The following PTCHD4 variants were observed in gnomAD, a reference collection of about 807,000 sequenced individuals.
PTCHD4 encodes patched domain containing 4.
Under a neutral mutation model 58.1 loss-of-function variants are expected in PTCHD4, and 33 were observed. That is an observed-to-expected ratio of 0.57 (90% CI 0.43 to 0.76). The LOEUF (loss-of-function observed/expected upper bound fraction) is 0.76. Ranked by LOEUF, PTCHD4 falls within the 30% of genes least tolerant of loss-of-function variation. The pLI is 0.00. For synonymous variants in PTCHD4, 478 were observed against 409.6 expected, an observed-to-expected ratio of 1.17 and a Z score of -2.02; for missense variants, 1,058 against 1,027.1, an observed-to-expected ratio of 1.03 and a Z score of -0.41.
At chr6:47,984,973 G>T (rs1033950050) in intron 4 of PTCHD4, among the ~76,000 whole-genome samples, 4 of 152,076 alleles carry the variant, frequency 2.6e-5, no homozygotes, top group African/African-American at 4.8e-5. Flanking sequence ...TGAGTATAAA[G>T]TTAGCTCAGT....
rs549856173 is a variant in PTCHD4, at chr6:47,948,216, C to T, written c.898+60418G>A. Among the ~76,000 whole-genome samples the T allele has an allele frequency of 2.2e-4, 34 of 152,304 alleles. No homozygotes were observed. In the South Asian group the frequency reaches 5.2e-3, roughly 23 times the overall value. On this transcript the variant is annotated intron_variant, in intron 4 of 4. Coordinates refer to ENST00000339488, the MANE Select transcript of PTCHD4 (RefSeq NM_001384253.1). The stretch of plus-strand genomic sequence containing the variant: ...CCTCCATTTAGTGCTGGCTGCCAGC[C>T]GGAGGTGCCCTCAGCTCCTAGAGGC...
intron 3 of PTCHD4, among the ~76,000 whole-genome samples, chr6:48,035,417 T>C (rs1161111984): frequency 6.6e-6 from 1 of 152,122 alleles, no homozygotes; most frequent in Non-Finnish European, 1.5e-5. Context: ...GAACTGCCAG[T>C]TCTCTGAATT....
At chr6:47,986,861 C>A (rs1467025420) in intron 4 of PTCHD4, among the ~76,000 whole-genome samples, 3 of 152,156 alleles carry the variant, frequency 2.0e-5, no homozygotes, top group African/African-American at 4.8e-5. Context: ...ACATTCCAAT[C>A]ATGGGTATGC....
At chr6:48,097,201 TA>T (rs1380886995) in intron 1 of PTCHD4, among the ~76,000 whole-genome samples, 1 of 152,092 alleles carries the variant, frequency 6.6e-6, no homozygotes, top group African/African-American at 2.4e-5. Context: ...AAGCATAATT[TA>T]AAAAATAATG....
chr6:47,915,570 G>C (rs985804572), intron 4 of PTCHD4, among the ~76,000 whole-genome samples: 1 of 80,384 alleles, frequency 1.2e-5, no homozygotes. Flanking sequence ...ATAGAAGACA[G>C]ATTTTTTTTT....
At position 47,872,134 on chromosome 6, in the gene PTCHD4, C is replaced by T. The variant is rs775152834; in HGVS notation, c.*6169G>A. 4.0e-5 allele frequency among the ~76,000 whole-genome samples: 6 copies of T among 151,296 alleles called. No homozygotes were observed. The highest frequency in any genetic ancestry group is 7.4e-5 in the Non-Finnish European group (5 of 67,648). On this transcript the variant is annotated 3_prime_UTR_variant, in exon 5 of 5. Transcript: ENST00000339488. ...CGTGTCCAGGGAGAGATTCTAGTAACCATATTACATTAGATAATTTAAATG... is the reference window on the plus strand; with the variant it reads ...CGTGTCCAGGGAGAGATTCTAGTAATCATATTACATTAGATAATTTAAATG...
chr6:47,953,096 G>A (rs1338022598), intron 4 of PTCHD4, among the ~76,000 whole-genome samples: 1 of 151,962 alleles, frequency 6.6e-6, no homozygotes. Flanking sequence ...TGATGATGAC[G>A]ACACTATAAA....
At chr6:47,963,051 C>T (rs558486968) in intron 4 of PTCHD4, among the ~76,000 whole-genome samples, 1 of 151,994 alleles carries the variant, frequency 6.6e-6, no homozygotes, top group African/African-American at 2.4e-5. Flanking sequence ...ATTGCTTGAA[C>T]CCGGGAGGCA....
intron 1 of PTCHD4, among the ~76,000 whole-genome samples, chr6:48,089,817 GC>G (rs1346015489): frequency 6.6e-6 from 1 of 152,150 alleles, no homozygotes; most frequent in African/African-American, 2.4e-5. Flanking sequence ...CTCATCTTAT[GC>G]CTACCTTAAT....
chr6:47,905,964 G>A (rs1764868710), intron 4 of PTCHD4, among the ~76,000 whole-genome samples: 1 of 152,220 alleles, frequency 6.6e-6, no homozygotes, highest in Non-Finnish European at 1.5e-5. Flanking sequence ...CTTGTTGCTT[G>A]TTGTCTGTGG....
intron 3 of PTCHD4, among the ~76,000 whole-genome samples, chr6:48,021,951 A>G (rs1257492732): frequency 6.6e-6 from 1 of 152,170 alleles, no homozygotes; most frequent in African/African-American, 2.4e-5. Flanking sequence ...TATGGAGTAC[A>G]TATCTCAAGG....
intron 4 of PTCHD4, among the ~76,000 whole-genome samples, chr6:47,940,300 G>A (rs1766163167): frequency 6.6e-6 from 1 of 151,238 alleles, no homozygotes; most frequent in Non-Finnish European, 1.5e-5. Flanking sequence ...TATGTTTCCT[G>A]CATTATGCCC....
At chr6:47,919,757 A>G (rs1430718407) in intron 4 of PTCHD4, among the ~76,000 whole-genome samples, 3 of 152,128 alleles carry the variant, frequency 2.0e-5, no homozygotes, top group Admixed American at 6.5e-5. Flanking sequence ...TTTCCAAAAG[A>G]CATTCTGTTG....
At chr6:48,100,644 TAAAG>T (rs1333904274) in intron 1 of PTCHD4, among the ~76,000 whole-genome samples, 2 of 152,136 alleles carry the variant, frequency 1.3e-5, no homozygotes, top group Non-Finnish European at 2.9e-5. Context: ...ATGATGACAA[TAAAG>T]AGAGGAAGAT....
intron 3 of PTCHD4, among the ~76,000 whole-genome samples, chr6:48,012,251 T>C (rs2814474): frequency 0.97 from 147,753 of 152,270 alleles, 71,696 homozygotes; most frequent in East Asian, 1. Context: ...TTTCCTCGAG[T>C]GGTGGTTTGT....
At chr6:48,045,610 A>G (rs1473088743) in intron 3 of PTCHD4, among the ~76,000 whole-genome samples, 1 of 151,820 alleles carries the variant, frequency 6.6e-6, no homozygotes, top group Non-Finnish European at 1.5e-5. Context: ...AGCATGTCTC[A>G]TTTCAGTCCT....
intron 1 of PTCHD4, among the ~76,000 whole-genome samples, chr6:48,096,610 TAAA>T (rs386406978): frequency 5.9e-5 from 8 of 134,688 alleles, no homozygotes; most frequent in Non-Finnish European, 9.4e-5. Context: ...AGACTCTGCC[TAAA>T]AAAAAAAAAA....
In PTCHD4 at chr6:47,978,502, T is replaced by A. The variant is rs377601065; in HGVS notation, c.898+30132A>T. 1.1e-3 allele frequency among the ~76,000 whole-genome samples: 171 copies of A among 152,350 alleles called. 1 individual carries two copies. The South Asian group carries it at 0.033, about 30-fold the overall frequency. On this transcript the variant is annotated intron_variant, in intron 4 of 4. Transcript: ENST00000339488. The stretch of plus-strand genomic sequence containing the variant: ...TGAGATAATAATAGTTTCTACCTCA[T>A]AGTTTTTGTGAGTATTAAATGTGTT...
chr6:48,110,658 CACAT>C (rs1423938199), intron 1 of PTCHD4, among the ~76,000 whole-genome samples: 11 of 150,870 alleles, frequency 7.3e-5, no homozygotes, highest in African/African-American at 1.5e-4. Flanking sequence ...CACACACACA[CACAT>C]ACACACACAA....
Sources: allele counts gnomAD v4.1 joint callset (sites outside exome capture counted in the v4.1 genomes callset), GRCh38; gene constraint gnomAD v4.1.1; transcripts MANE v1.5; gene names NCBI Gene and HGNC (gene_info 2026-07-23, HGNC 2026-07-21).